CTNNA3: variants seen among roughly 807,000 people sequenced by gnomAD.
CTNNA3 encodes catenin alpha 3.
A neutral mutation model predicts 95.7 loss-of-function variants in CTNNA3; 76 were observed. That is an observed-to-expected ratio of 0.79 (90% confidence interval 0.66 to 0.96). CTNNA3 has a LOEUF of 0.96. Among genes scored for constraint, CTNNA3 ranks in the 40% least tolerant of loss-of-function variants. The pLI, the probability that CTNNA3 is intolerant of heterozygous loss-of-function variation, is 0.00. For synonymous variants in CTNNA3, 431 were observed against 374.4 expected (o/e 1.15, Z -1.74); for missense variants, 1,191 against 1,089.8 (o/e 1.09, Z -1.31).
intron 12 of CTNNA3, among the ~76,000 whole-genome samples, chr10:66,321,873 T>G (rs1300174745): frequency 6.6e-6 from 1 of 152,168 alleles, no homozygotes; most frequent in East Asian, 1.9e-4. Context: ...GGCTGTGATG[T>G]GTGGCCTTGC....
chr10:66,605,013 T>C (rs1166726977), intron 10 of CTNNA3, among the ~76,000 whole-genome samples: 1 of 152,030 alleles, frequency 6.6e-6, no homozygotes, highest in East Asian at 1.9e-4. Context: ...CAAAGATCAT[T>C]AAGATGCAGG....
At chr10:66,070,279 T>C (rs1414895836) in intron 14 of CTNNA3, among the ~76,000 whole-genome samples, 3 of 152,174 alleles carry the variant, frequency 2.0e-5, no homozygotes, top group East Asian at 1.9e-4. Flanking sequence ...TGCTGGCATA[T>C]GGCAAAGCAC....
At chr10:66,306,908 G>C (rs2091942375) in intron 12 of CTNNA3, among the ~76,000 whole-genome samples, 1 of 152,260 alleles carries the variant, frequency 6.6e-6, no homozygotes, top group African/African-American at 2.4e-5. Flanking sequence ...CTTAAAACTA[G>C]GCTGAAAGAA....
chr10:67,360,416 G>GAAAAAAAAAAAAA (rs74859730), intron 5 of CTNNA3, among the ~76,000 whole-genome samples: 1 of 99,302 alleles, frequency 1.0e-5, no homozygotes, highest in Non-Finnish European at 2.1e-5. Context: ...GAGCAAGCAG[G>GAAAAAAAAAAAAA]AAAAAAAAAA....
At chr10:66,258,358 C>T (rs890927168) in intron 13 of CTNNA3, among the ~76,000 whole-genome samples, 7 of 152,164 alleles carry the variant, frequency 4.6e-5, no homozygotes, top group Non-Finnish European at 1.5e-5. Context: ...TTATCTTAAA[C>T]ATGACAACTC....
intron 1 of CTNNA3, among the ~76,000 whole-genome samples, chr10:67,763,055 T>A (rs1186665694): frequency 6.6e-6 from 1 of 152,180 alleles, no homozygotes; most frequent in African/African-American, 2.4e-5. Context: ...ACTGGGTGTC[T>A]AAGGAATTTT....
At chr10:66,001,362 T>G (rs2078766669) in intron 15 of CTNNA3, among the ~76,000 whole-genome samples, 1 of 152,206 alleles carries the variant, frequency 6.6e-6, no homozygotes, top group African/African-American at 2.4e-5. Context: ...TGATGTTTTC[T>G]TTTTTATAAT....
intron 5 of CTNNA3, among the ~76,000 whole-genome samples, chr10:67,474,988 G>T (rs1010498847): frequency 6.6e-6 from 1 of 152,212 alleles, no homozygotes; most frequent in African/African-American, 2.4e-5. Flanking sequence ...ATTTATGGCA[G>T]CTTTTTTCAT....
chr10:66,508,287 G>A (rs770950896), intron 11 of CTNNA3, among the ~76,000 whole-genome samples: 27 of 149,208 alleles, frequency 1.8e-4, no homozygotes, highest in African/African-American at 3.0e-4. Flanking sequence ...CAGCCTGCAC[G>A]GTAGAGTGAG....
chr10:66,711,329 C>T (rs996658091), intron 9 of CTNNA3, among the ~76,000 whole-genome samples: 1 of 149,820 alleles, frequency 6.7e-6, no homozygotes, highest in African/African-American at 2.5e-5. Context: ...CCTTTAGCTT[C>T]AGAAATTTCA....
intron 13 of CTNNA3, among the ~76,000 whole-genome samples, chr10:66,145,742 G>GT (rs1179015920): frequency 6.6e-6 from 1 of 152,116 alleles, no homozygotes; most frequent in Admixed American, 6.6e-5. Flanking sequence ...TTCATTAAGT[G>GT]TTTTTTATTT....
chr10:66,670,559 C>T lies in CTNNA3; in HGVS notation c.1282-48775G>A, dbSNP rs572784986. On this transcript the variant is annotated intron_variant, in intron 9 of 17. Coordinates refer to ENST00000433211, the MANE Select transcript of CTNNA3 (RefSeq NM_013266.4). The stretch of plus-strand genomic sequence containing the variant: ...TAAATCCTTCTAACCTCCCCTTCTA[C>T]CTCTTCTCTTCTAGGCTCCCCTCAC... 6.6e-5 allele frequency among the ~76,000 whole-genome samples: 10 copies of T among 152,258 alleles called. 1 individual carries two copies. In the East Asian group the frequency reaches 1.9e-3, roughly 29 times the overall value.
intron 1 of CTNNA3, among the ~76,000 whole-genome samples, chr10:67,741,506 G>A (rs1365522862): frequency 6.6e-6 from 1 of 150,830 alleles, no homozygotes; most frequent in Non-Finnish European, 1.5e-5. Context: ...CCTGAAGGAA[G>A]CACTAAACAT....
At chr10:66,079,157 T>C (rs957287782) in intron 14 of CTNNA3, 2 of 152,034 alleles carry the variant, frequency 1.3e-5, no homozygotes, top group African/African-American at 4.8e-5. Flanking sequence ...CAATTATATT[T>C]GGTCACAATA....
chr10:66,204,291 CTCAT>C (rs1242084392), intron 13 of CTNNA3, among the ~76,000 whole-genome samples: 2 of 152,090 alleles, frequency 1.3e-5, no homozygotes, highest in East Asian at 3.8e-4. Context: ...ATCTAAATTT[CTCAT>C]TCAGTCTCTC....
At chr10:67,259,975 A>C (rs1866528635) in intron 5 of CTNNA3, among the ~76,000 whole-genome samples, 1 of 152,212 alleles carries the variant, frequency 6.6e-6, no homozygotes, top group Non-Finnish European at 1.5e-5. Context: ...ATATGTTAGT[A>C]TAATCCATTA....
intron 5 of CTNNA3, among the ~76,000 whole-genome samples, chr10:67,232,232 A>G (rs1417429562): frequency 1.3e-4 from 20 of 152,226 alleles, no homozygotes; most frequent in Non-Finnish European, 2.5e-4. Context: ...AGTTAAAATG[A>G]AGGAAAAAAT....
chr10:66,657,619 T>C (rs1846113070), intron 9 of CTNNA3, among the ~76,000 whole-genome samples: 1 of 152,174 alleles, frequency 6.6e-6, no homozygotes, highest in African/African-American at 2.4e-5. Context: ...CCTATATTAC[T>C]GAGCAATGTA....
chr10:67,108,177 GAATT>G (rs1325225681), intron 7 of CTNNA3, among the ~76,000 whole-genome samples: 7 of 152,144 alleles, frequency 4.6e-5, no homozygotes. Flanking sequence ...AGAATATGCA[GAATT>G]ATTTCTGCCT....
Sources: allele counts gnomAD v4.1 joint callset (sites outside exome capture counted in the v4.1 genomes callset), GRCh38; gene constraint gnomAD v4.1.1; transcripts MANE v1.5; gene names NCBI Gene and HGNC (gene_info 2026-07-23, HGNC 2026-07-21).